The following KALRN variants were observed in gnomAD, a reference collection of about 807,000 sequenced individuals.
The protein encoded by KALRN is kalirin.
A neutral mutation model predicts 353.7 loss-of-function variants in KALRN; 70 were observed. The observed-to-expected ratio is 0.20, with a 90% CI of 0.16 to 0.24. KALRN has a LOEUF of 0.24. Among genes scored for constraint, KALRN ranks in the 10% least tolerant of loss-of-function variants. KALRN has a pLI of 1.00. For synonymous variants in KALRN, 1,391 were observed against 1,434.8 expected (o/e 0.97, Z 0.69); for missense variants, 2,791 against 3,756.7 (o/e 0.74, Z 6.72).
At chr3:124,235,400 G>T (rs1454294940) in intron 3 of KALRN, among the ~76,000 whole-genome samples, 2 of 152,142 alleles carry the variant, frequency 1.3e-5, no homozygotes, top group East Asian at 3.9e-4. Flanking sequence ...ATCTAAAAAG[G>T]CTCCTTCGGG....
chr3:124,430,665 T>G lies in KALRN; in HGVS notation c.2719T>G (p.Trp907Gly), dbSNP rs1422873567. ...TGTCCCGATTCCCTAGGTTCTGGGA[T>G]GGATCCGCAATGGAGAGTCAATGCT... ...LQAEVKQVLG[W>G]IRNGESMLNA... The change falls in exon 16 of 60, where the codon TGG (tryptophan) becomes GGG (glycine). Residue 907 changes from tryptophan (W) to glycine (G), a missense_variant. By Grantham distance (184) the Trp-to-Gly change is radical. This residue lies in a region of KALRN where 452 missense variants were observed against 575.8 expected (regional missense o/e 0.78). Coordinates refer to ENST00000682506, the MANE Select transcript of KALRN (RefSeq NM_001388419.1). 6.2e-7 allele frequency: 1 copy of G among 1,614,034 alleles called. No individual in the cohort carries two copies. Among genetic ancestry groups the G allele is most frequent in the African/African-American group, 1.3e-5 (1 of 74,946 alleles).
chr3:124,114,488 C>G (rs1252781818), intron 1 of KALRN, among the ~76,000 whole-genome samples: 1 of 152,152 alleles, frequency 6.6e-6, no homozygotes, highest in Non-Finnish European at 1.5e-5. Context: ...TAGCTTCCAT[C>G]AAGGCTTGAT....
chr3:124,345,380 G>A (rs1180990630), intron 9 of KALRN, among the ~76,000 whole-genome samples: 1 of 152,172 alleles, frequency 6.6e-6, no homozygotes, highest in Non-Finnish European at 1.5e-5. Context: ...AGATCTAATT[G>A]TGGCAAGCCA....
Position 124,563,199 on chromosome 3 carries a change from C to T in KALRN, c.5182+110C>T, listed in dbSNP as rs1258095902. 4 of 1,180,420 alleles carry T rather than the reference C, an allele frequency of 3.4e-6. No individual in the cohort carries two copies. The African/African-American group carries it at 4.8e-5, about 14-fold the overall frequency. The allele number at this position is 1,180,420 out of a possible 1,614,324, so 73.1% of individuals were successfully genotyped here. A position where few individuals can be genotyped will look rare whatever the true frequency, so the allele number is the denominator to read the frequency against. On this transcript the variant is annotated intron_variant, in intron 34 of 59. Coordinates refer to ENST00000682506, the MANE Select transcript of KALRN (RefSeq NM_001388419.1). ...GACCTGTCTCACAGACCCATTTTTA[C>T]CCTGTGGGGTTTCTTTGGGACCTGA...
At chr3:124,255,282 T>A (rs763547246) in intron 3 of KALRN, among the ~76,000 whole-genome samples, 2 of 152,166 alleles carry the variant, frequency 1.3e-5, no homozygotes, top group African/African-American at 4.8e-5. Context: ...AAATTATTTC[T>A]TATAGTTTCA....
chr3:124,046,028 G>A (rs1000573197), intron 1 of KALRN, among the ~76,000 whole-genome samples: 1 of 152,184 alleles, frequency 6.6e-6, no homozygotes, highest in African/African-American at 2.4e-5. Context: ...TACTGATATT[G>A]CTCTGCTTCT....
rs1287234734 is a variant in KALRN, at chr3:124,153,461, G to A, written c.74-74529G>A. Among the ~76,000 whole-genome samples, 10 of 150,084 alleles carry A rather than the reference G, an allele frequency of 6.7e-5. No individual in the cohort carries two copies. The East Asian group carries it at 1.8e-3, about 27-fold the overall frequency. On this transcript the variant is annotated intron_variant, in intron 1 of 59. Transcript: ENST00000682506. ...AGGACATGAACTCATCATTTTTTAT[G>A]GCTGCATAGTATTCCATGGTGTATA...
intron 16 of KALRN, among the ~76,000 whole-genome samples, chr3:124,431,284 T>A (rs1275645002): frequency 6.6e-6 from 1 of 152,222 alleles, no homozygotes; most frequent in African/African-American, 2.4e-5. Flanking sequence ...TTGCACCAGA[T>A]ATTTTTACCC....
In KALRN at chr3:124,373,286, C is replaced by G. The variant is rs947906510; in HGVS notation, c.1771-11559C>G. 8.5e-5 allele frequency among the ~76,000 whole-genome samples: 13 copies of G among 152,104 alleles called. 1 individual carries two copies. The highest frequency in any genetic ancestry group is 1.5e-5 in the Non-Finnish European group (1 of 68,020). On this transcript the variant is annotated intron_variant, in intron 10 of 59. Transcript: ENST00000682506. Reference sequence around the variant, plus strand: ...CTGGAAGGCAATTTTTGTCTCCCCCCGACTTCTACCCCACCTGGACATCTG... The same window carrying G: ...CTGGAAGGCAATTTTTGTCTCCCCCGGACTTCTACCCCACCTGGACATCTG...
At chr3:124,667,261 A>C (rs548574963) in intron 47 of KALRN, 78 bp downstream of exon 47, 22 of 1,265,816 alleles carry the variant, frequency 1.7e-5, no homozygotes, top group South Asian at 3.2e-5. Flanking sequence ...GTCTAGGTTC[A>C]TGTTGAGTTA....
chr3:124,233,766 C>T (rs1008049058), intron 2 of KALRN, among the ~76,000 whole-genome samples: 3 of 152,136 alleles, frequency 2.0e-5, no homozygotes, highest in African/African-American at 7.2e-5. Context: ...CGCACCTCTC[C>T]ACTCTCTTTC....
chr3:124,437,501 C>G (rs1405549912), intron 17 of KALRN, among the ~76,000 whole-genome samples: 2 of 152,062 alleles, frequency 1.3e-5, no homozygotes, highest in African/African-American at 4.8e-5. Flanking sequence ...ACCAGCCTGA[C>G]AAACATGGTG....
intron 7 of KALRN, 36 bp from the exon 8 acceptor site, chr3:124,329,825 T>G (rs371016588): frequency 6.2e-7 from 1 of 1,601,972 alleles, no homozygotes; most frequent in Non-Finnish European, 8.5e-7. Flanking sequence ...TCACCCCCAG[T>G]GCTCCCCCAC....
intron 12 of KALRN, chr3:124,395,700 G>A (rs1459950047): frequency 8.0e-6 from 2 of 250,550 alleles, no homozygotes; most frequent in South Asian, 5.5e-5. Context: ...GGAACATAGT[G>A]TTATTTAACA....
At chr3:124,648,410 C>A (rs1290918932) in intron 37 of KALRN, among the ~76,000 whole-genome samples, 1 of 152,216 alleles carries the variant, frequency 6.6e-6, no homozygotes, top group Non-Finnish European at 1.5e-5. Flanking sequence ...CTCAGATGTT[C>A]TTTGTTCTGT....
At chr3:124,651,528 A>G (rs1463434987) in intron 38 of KALRN, among the ~76,000 whole-genome samples, 3 of 152,208 alleles carry the variant, frequency 2.0e-5, no homozygotes, top group Non-Finnish European at 4.4e-5. Context: ...AGAGTTACCT[A>G]TGTTGATATG....
At chr3:124,081,825 G>T (rs1323362136) in intron 1 of KALRN, among the ~76,000 whole-genome samples, 2 of 152,138 alleles carry the variant, frequency 1.3e-5, no homozygotes, top group East Asian at 3.9e-4. Context: ...TACTCACACA[G>T]ACATCCACAG....
chr3:124,303,413 T>A (rs2077421918), intron 6 of KALRN, among the ~76,000 whole-genome samples: 1 of 152,178 alleles, frequency 6.6e-6, no homozygotes. Flanking sequence ...TCTTGTTTAA[T>A]TCTGCCTTCT....
chr3:124,697,717 A>G lies in KALRN; in HGVS notation c.7824A>G (p.Arg2608=). The G allele has an allele frequency of 6.4e-7, 1 of 1,572,216 alleles. No individual in the cohort carries two copies. The highest frequency in any genetic ancestry group is 8.6e-7 in the Non-Finnish European group (1 of 1,160,434). The change falls in exon 55 of 60, where the codon AGA becomes AGG. Residue 2608 remains arginine, a synonymous_variant. Transcript: ENST00000682506. ...CTISGYTVEY[R]EEGSQIWQQS... ...TTTCTGGTTACACTGTGGAGTACAG[A>G]GAGGAAGGTGCACTATCTCCTGCTC...
Sources: gnomAD v4.1 joint callset for allele counts (sites outside exome capture counted in the v4.1 genomes callset) on GRCh38, gnomAD v4.1.1 for gene constraint, gnomAD v4.1.1 regional missense constraint, MANE v1.5 for transcripts, NCBI Gene and HGNC (gene_info 2026-07-23, HGNC 2026-07-21) for gene names.